The following NEO1 variants were observed in gnomAD, a reference collection of about 807,000 sequenced individuals.
NEO1 encodes the protein neogenin 1.
NEO1 carries 63 observed loss-of-function variants against 159.7 expected under a neutral mutation model. The ratio of observed to expected loss-of-function variants is 0.39; its 90% confidence interval spans 0.32 to 0.49. NEO1 has a LOEUF of 0.49. Among genes scored for constraint, NEO1 ranks in the 20% least tolerant of loss-of-function variants. The probability of loss-of-function intolerance (pLI) is 0.85; values close to 1 mark genes in which losing one functional copy is unlikely to be tolerated. For synonymous variants in NEO1, 633 were observed against 662.0 expected, an observed-to-expected ratio of 0.96 and a Z score of 0.67; for missense variants, 1,615 against 1,831.0, an observed-to-expected ratio of 0.88 and a Z score of 2.15.
intron 1 of NEO1, among the ~76,000 whole-genome samples, chr15:73,060,994 T>G (rs2067949699): frequency 6.6e-6 from 1 of 152,212 alleles, no homozygotes; most frequent in Non-Finnish European, 1.5e-5. Context: ...TCAACCATTA[T>G]GCAACCTACC....
intron 26 of NEO1, among the ~76,000 whole-genome samples, chr15:73,297,980 GGCCACT>G (rs1450168473): frequency 6.6e-6 from 1 of 152,188 alleles, no homozygotes; most frequent in Non-Finnish European, 1.5e-5. Flanking sequence ...GTCTATGAAA[GGCCACT>G]GTCTAAGATT....
At chr15:73,120,281 C>A (rs1365927873) in intron 2 of NEO1, among the ~76,000 whole-genome samples, 1 of 151,242 alleles carries the variant, frequency 6.6e-6, no homozygotes, top group Non-Finnish European at 1.5e-5. Flanking sequence ...TTCTGATATT[C>A]TGGTTTCTTA....
chr15:73,152,821 C>T lies in NEO1; in HGVS notation c.1015+16794C>T, dbSNP rs2033482470. Among the ~76,000 whole-genome samples the T allele has an allele frequency of 2.0e-5, 3 of 151,988 alleles. No individual in the cohort carries two copies. The South Asian group carries it at 6.2e-4, about 32-fold the overall frequency. ...GGGGGAAACTCCCACATAATTTGGTCACAGAAGCGTTCTTCTGTGTTGATG... is the reference window on the plus strand; with the variant it reads ...GGGGGAAACTCCCACATAATTTGGTTACAGAAGCGTTCTTCTGTGTTGATG... On this transcript the variant is annotated intron_variant, in intron 5 of 28. Transcript: ENST00000261908.
intron 1 of NEO1, among the ~76,000 whole-genome samples, chr15:73,063,983 G>A (rs991926792): frequency 2.0e-5 from 3 of 152,270 alleles, no homozygotes; most frequent in Non-Finnish European, 2.9e-5. Context: ...TTCAAAGCCC[G>A]AGAAGTAAGC....
At chr15:73,095,347 C>T (rs55787640) in intron 1 of NEO1, among the ~76,000 whole-genome samples, 14,342 of 151,976 alleles carry the variant, frequency 0.094, 891 homozygotes, top group African/African-American at 0.17. Context: ...GGAGAATTTG[C>T]GACAGCAACT....
At chr15:73,299,627 C>T (rs901951277) in intron 27 of NEO1, among the ~76,000 whole-genome samples, 6 of 152,144 alleles carry the variant, frequency 3.9e-5, no homozygotes, top group Non-Finnish European at 5.9e-5. Flanking sequence ...CCTCGTGATC[C>T]GCCCACCTCG....
At chr15:73,241,003 G>GT (rs2039462894) in intron 8 of NEO1, among the ~76,000 whole-genome samples, 1 of 152,150 alleles carries the variant, frequency 6.6e-6, no homozygotes, top group South Asian at 2.1e-4. Context: ...AGAATTCAAT[G>GT]TGAGAATGTA....
At chr15:73,127,500 C>G (rs2030451697) in intron 4 of NEO1, among the ~76,000 whole-genome samples, 1 of 152,158 alleles carries the variant, frequency 6.6e-6, no homozygotes, top group African/African-American at 2.4e-5. Flanking sequence ...GCCTTCTACC[C>G]ATAGGTGGCA....
chr15:73,088,338 T>A (rs988031624), intron 1 of NEO1, among the ~76,000 whole-genome samples: 11 of 151,924 alleles, frequency 7.2e-5, no homozygotes, highest in African/African-American at 2.7e-4. Context: ...GAGAGTTGTT[T>A]GAAATGATGA....
At position 73,072,222 on chromosome 15, in the gene NEO1, ATT is replaced by A. The variant is rs548285106; in HGVS notation, c.130+19418_130+19419del. ...TGCCTCGGCTTCCCAAAGTGCTGGGATTACAGGTGTGAGCCACCGTGCCCAGC... is the reference window on the plus strand; with the variant it reads ...TGCCTCGGCTTCCCAAAGTGCTGGGAACAGGTGTGAGCCACCGTGCCCAGC... On this transcript the variant is annotated intron_variant, in intron 1 of 28. Coordinates refer to ENST00000261908, the MANE Select transcript of NEO1 (RefSeq NM_002499.4). Among the ~76,000 whole-genome samples, 88 of 151,990 alleles carry A rather than the reference ATT, an allele frequency of 5.8e-4. 1 individual carries two copies. The South Asian group carries it at 0.017, about 30-fold the overall frequency.
In NEO1 at chr15:73,244,360, A is replaced by T; in HGVS notation, c.1468A>T (p.Thr490Ser). The part of the protein sequence containing the change: ...EGIARERVEN[T>S]SHPGEMQVTI... ...TGTCTAAAGGGAACGTGTTGAGAAT[A>T]CCAGTCACCCAGGAGAGATGCAAGT... The change falls in exon 9 of 29, where the codon ACC (threonine) becomes TCC (serine). Residue 490 changes from threonine (T) to serine (S), a missense_variant. Thr to Ser is a moderately conservative substitution (Grantham distance 58, BLOSUM62 1). Coordinates refer to ENST00000261908, the MANE Select transcript of NEO1 (RefSeq NM_002499.4). 6.2e-7 allele frequency: 1 copy of T among 1,613,556 alleles called. No homozygotes were observed. The highest frequency in any genetic ancestry group is 8.5e-7 in the Non-Finnish European group (1 of 1,179,636).
At chr15:73,202,844 T>G (rs1350340471) in intron 7 of NEO1, among the ~76,000 whole-genome samples, 1 of 152,226 alleles carries the variant, frequency 6.6e-6, no homozygotes, top group Non-Finnish European at 1.5e-5. Flanking sequence ...TCAGGACTAT[T>G]CTAGCCTTAT....
intron 1 of NEO1, among the ~76,000 whole-genome samples, chr15:73,094,275 T>C (rs1180452526): frequency 1.3e-5 from 2 of 152,226 alleles, no homozygotes; most frequent in African/African-American, 4.8e-5. Context: ...ACTCTTTTGA[T>C]TTACCTATTC....
intron 7 of NEO1, among the ~76,000 whole-genome samples, chr15:73,220,548 G>A (rs952989090): frequency 6.6e-6 from 1 of 152,248 alleles, no homozygotes; most frequent in East Asian, 1.9e-4. Flanking sequence ...CATTCTCCCT[G>A]TCATTTTCAG....
At chr15:73,058,461 TCTC>T (rs772724873) in intron 1 of NEO1, among the ~76,000 whole-genome samples, 1 of 152,208 alleles carries the variant, frequency 6.6e-6, no homozygotes, top group Non-Finnish European at 1.5e-5. Flanking sequence ...AATTGTGTAT[TCTC>T]CTGTTATGGA....
At chr15:73,183,173 G>C (rs2035716029) in intron 7 of NEO1, among the ~76,000 whole-genome samples, 1 of 152,108 alleles carries the variant, frequency 6.6e-6, no homozygotes, top group Admixed American at 6.5e-5. Context: ...TGTGGTGTAG[G>C]GATGAAGGAA....
chr15:73,288,222 T>C, intron 23 of NEO1, 91 bp from the exon 24 acceptor site: 6 of 1,233,468 alleles, frequency 4.9e-6, no homozygotes, highest in Non-Finnish European at 6.9e-6. Flanking sequence ...TTGAAACATC[T>C]CTCAGAAAGG....
chr15:73,118,117 T>C (rs1056582104), intron 2 of NEO1, among the ~76,000 whole-genome samples: 1 of 152,184 alleles, frequency 6.6e-6, no homozygotes, highest in Non-Finnish European at 1.5e-5. Context: ...TCCTCTCGGC[T>C]GTCCCCCCAT....
chr15:73,293,262 A>AC (rs1449997896), intron 25 of NEO1, 128 bp from the exon 26 acceptor site: 54 of 1,104,544 alleles, frequency 4.9e-5, no homozygotes, highest in Middle Eastern at 2.1e-4. Context: ...GCCAGCTGCC[A>AC]CCAAAAAACC....
Sources: allele counts gnomAD v4.1 joint callset (sites outside exome capture counted in the v4.1 genomes callset), GRCh38; gene constraint gnomAD v4.1.1; transcripts MANE v1.5; gene names NCBI Gene and HGNC (gene_info 2026-07-23, HGNC 2026-07-21).